The following RBFOX1 variants were observed in gnomAD, a reference collection of about 807,000 sequenced individuals.
RBFOX1 encodes the protein RNA binding protein fox-1 homolog 1.
Under a neutral mutation model 57.7 loss-of-function variants are expected in RBFOX1, and 8 were observed. The observed-to-expected ratio is 0.14, with a 90% CI of 0.08 to 0.25. The LOEUF is 0.25. Among genes scored for constraint, RBFOX1 ranks in the 10% least tolerant of loss-of-function variants. The pLI, the probability that RBFOX1 is intolerant of heterozygous loss-of-function variation, is 1.00. For synonymous variants in RBFOX1, 326 were observed against 222.4 expected (o/e 1.47, Z -4.15); for missense variants, 611 against 548.5 (o/e 1.11, Z -1.14).
intron 1 of RBFOX1, among the ~76,000 whole-genome samples, chr16:6,033,392 C>T (rs1211125232): frequency 6.6e-6 from 1 of 152,192 alleles, no homozygotes; most frequent in Non-Finnish European, 1.5e-5. Flanking sequence ...ATAAATCTCT[C>T]TTGCACTTGC....
chr16:6,033,599 T>C (rs956390669), intron 1 of RBFOX1, among the ~76,000 whole-genome samples: 3 of 152,262 alleles, frequency 2.0e-5, no homozygotes, highest in Non-Finnish European at 2.9e-5. Context: ...TGTGTGTGTG[T>C]GTGTGCACAC....
At chr16:6,611,065 G>A (rs537006255) in intron 2 of RBFOX1, among the ~76,000 whole-genome samples, 1 of 152,236 alleles carries the variant, frequency 6.6e-6, no homozygotes, top group South Asian at 2.1e-4. Context: ...TACCATTAAG[G>A]CCTAAGAAGC....
Position 5,771,943 on chromosome 16 carries a change from G to A in RBFOX1, c.319-95360G>A, listed in dbSNP as rs550710484. On this transcript the variant is annotated intron_variant, in intron 3 of 19. Transcript: ENST00000641259. ...AATCCCAGCACTTTGGGAGGTCGAG[G>A]GGGGTGGATCACGAGGTCAGGATTT... Among the ~76,000 whole-genome samples, 266 of 152,256 alleles carry A rather than the reference G, an allele frequency of 1.7e-3. 3 individuals carry two copies. Among genetic ancestry groups the A allele is most frequent in the African/African-American group, 5.6e-3 (233 of 41,556 alleles).
At chr16:7,392,394 G>GA (rs1298353662) in intron 4 of RBFOX1, among the ~76,000 whole-genome samples, 4 of 152,234 alleles carry the variant, frequency 2.6e-5, no homozygotes, top group Admixed American at 2.6e-4. Flanking sequence ...GCTACTTGAG[G>GA]AAATGCCTTG....
chr16:7,616,431 T>C (rs922285626), intron 10 of RBFOX1, among the ~76,000 whole-genome samples: 10 of 152,388 alleles, frequency 6.6e-5, no homozygotes, highest in African/African-American at 2.4e-4. Flanking sequence ...TGCACCTGCA[T>C]GACTGACCAA....
chr16:7,031,895 C>G (rs1597503879), intron 3 of RBFOX1, among the ~76,000 whole-genome samples: 1 of 152,116 alleles, frequency 6.6e-6, no homozygotes, highest in Admixed American at 6.5e-5. Flanking sequence ...CTGATCTCTC[C>G]CTGATCAGTA....
chr16:5,974,434 C>G (rs1186402804), intron 4 of RBFOX1, among the ~76,000 whole-genome samples: 1 of 151,644 alleles, frequency 6.6e-6, no homozygotes, highest in East Asian at 1.9e-4. Flanking sequence ...CATGGTGAAA[C>G]CCCGTCCCTA....
chr16:7,489,881 C>T (rs2066476801), intron 4 of RBFOX1, among the ~76,000 whole-genome samples: 1 of 152,064 alleles, frequency 6.6e-6, no homozygotes, highest in Non-Finnish European at 1.5e-5. Flanking sequence ...TTTATTTCCA[C>T]CTTTTAATGA....
At chr16:7,661,584 A>G (rs2067742346) in intron 12 of RBFOX1, among the ~76,000 whole-genome samples, 1 of 152,276 alleles carries the variant, frequency 6.6e-6, no homozygotes, top group Admixed American at 6.5e-5. Flanking sequence ...CTCCTGCAGT[A>G]TCTATCTCAG....
chr16:7,487,883 T>G (rs529269583), intron 4 of RBFOX1, among the ~76,000 whole-genome samples: 4 of 152,274 alleles, frequency 2.6e-5, no homozygotes, highest in Non-Finnish European at 5.9e-5. Context: ...TCAATCTCAA[T>G]TCCAAGGAAA....
At chr16:7,359,650 C>G (rs1279302996) in intron 4 of RBFOX1, among the ~76,000 whole-genome samples, 4 of 152,170 alleles carry the variant, frequency 2.6e-5, no homozygotes, top group Non-Finnish European at 4.4e-5. Context: ...CAGCACGTCT[C>G]TCCATCAGCA....
At chr16:5,529,779 G>C (rs2044391482) in intron 2 of RBFOX1, among the ~76,000 whole-genome samples, 1 of 151,922 alleles carries the variant, frequency 6.6e-6, no homozygotes, top group African/African-American at 2.4e-5. Flanking sequence ...TGTTAGCCAG[G>C]GTGTTCTCGA....
intron 2 of RBFOX1, among the ~76,000 whole-genome samples, chr16:6,439,817 C>G (rs1231831722): frequency 6.6e-6 from 1 of 152,088 alleles, no homozygotes; most frequent in Non-Finnish European, 1.5e-5. Context: ...CTGAATGAAC[C>G]AAGGTGAGCA....
intron 3 of RBFOX1, among the ~76,000 whole-genome samples, chr16:6,759,520 T>C (rs1480582160): frequency 6.8e-6 from 1 of 145,996 alleles, no homozygotes; most frequent in Non-Finnish European, 1.5e-5. Context: ...TGTGTGTGTG[T>C]GTATTTTCAG....
At position 6,097,392 on chromosome 16, in the gene RBFOX1, C is replaced by G. The variant is rs1313090211; in HGVS notation, c.-127+77400C>G. Among the ~76,000 whole-genome samples the G allele has an allele frequency of 6.6e-6, 1 of 152,094 alleles. No individual in the cohort carries two copies. The highest frequency in any genetic ancestry group is 2.4e-5 in the African/African-American group (1 of 41,410). The stretch of plus-strand genomic sequence containing the variant: ...CCACTCTAGAGAAGTACCACTCAAA[C>G]CATGGTCTGCAGACTACCAGCATTA... On this transcript the variant is annotated intron_variant, in intron 1 of 15. Transcript: ENST00000550418. The surrounding 1 kb of genome is among the most constrained non-coding windows in gnomAD (Gnocchi z 5.0).
chr16:7,112,543 T>G (rs1251658186), intron 4 of RBFOX1, among the ~76,000 whole-genome samples: 1 of 152,072 alleles, frequency 6.6e-6, no homozygotes, highest in Non-Finnish European at 1.5e-5. Context: ...GTCCATCAAG[T>G]CAGAACCTTT....
intron 3 of RBFOX1, among the ~76,000 whole-genome samples, chr16:6,916,144 G>C (rs1277500869): frequency 6.6e-6 from 1 of 152,168 alleles, no homozygotes; most frequent in Non-Finnish European, 1.5e-5. Context: ...TCCAGGAGAG[G>C]CAAGAATGAT....
chr16:6,225,308 A>G (rs2097408260), intron 1 of RBFOX1, among the ~76,000 whole-genome samples: 1 of 152,176 alleles, frequency 6.6e-6, no homozygotes, highest in South Asian at 2.1e-4. Context: ...GTTTAGCAGG[A>G]AAGCATTGCT....
intron 1 of RBFOX1, among the ~76,000 whole-genome samples, chr16:5,247,758 A>ATGCTGAGCCTTGTACCCCGAC (rs1168736454): frequency 7.9e-5 from 12 of 152,068 alleles, no homozygotes; most frequent in Non-Finnish European, 1.6e-4. Context: ...AACAAAAAAA[A>ATGCTGAGCCTTGTACCCCGAC]TGCTGAGCCT....
Sources: allele counts gnomAD v4.1 joint callset (sites outside exome capture counted in the v4.1 genomes callset), GRCh38; gene constraint gnomAD v4.1.1; non-coding constraint Gnocchi (gnomAD v3.1); transcripts MANE v1.5; gene names NCBI Gene and HGNC (gene_info 2026-07-23, HGNC 2026-07-21).